Variants in NHEJ1 observed in about 807,000 individuals in gnomAD.
NHEJ1 encodes non-homologous end joining factor 1, also known as non-homologous end-joining factor 1.
NHEJ1 carries 22 observed loss-of-function variants against 39.4 expected under a neutral mutation model. That is an observed-to-expected ratio of 0.56 (90% CI 0.40 to 0.80). NHEJ1 has a LOEUF of 0.80. NHEJ1 is among the 30% of genes least tolerant of loss of function. The pLI is 0.00. For missense variants in NHEJ1, 329 were observed against 357.1 expected (o/e 0.92, Z 0.63); for synonymous variants, 154 against 135.6 (o/e 1.14, Z -0.94).
At chr2:219,112,804 A>T (rs896255023) in intron 5 of NHEJ1, among the ~76,000 whole-genome samples, 1 of 151,998 alleles carries the variant, frequency 6.6e-6, no homozygotes, top group Non-Finnish European at 1.5e-5. Flanking sequence ...CCTCCTTTAC[A>T]CTCATGACTT....
chr2:219,080,654 AAT>A (rs1949057417), intron 5 of NHEJ1, among the ~76,000 whole-genome samples: 4 of 108,976 alleles, frequency 3.7e-5, no homozygotes, highest in African/African-American at 1.8e-4. Flanking sequence ...TATATATGCT[AAT>A]ATATATAAGC....
At chr2:219,101,471 TGGG>T (rs1481754882) in intron 5 of NHEJ1, among the ~76,000 whole-genome samples, 2 of 151,894 alleles carry the variant, frequency 1.3e-5, no homozygotes, top group African/African-American at 4.8e-5. Flanking sequence ...AATGCAGTGG[TGGG>T]ATCATAGCTC....
intron 5 of NHEJ1, among the ~76,000 whole-genome samples, chr2:219,129,036 C>T (rs1410955847): frequency 1.3e-5 from 2 of 152,328 alleles, no homozygotes; most frequent in East Asian, 3.9e-4. Flanking sequence ...CTAACAAAGG[C>T]CATGGTATGC....
intron 5 of NHEJ1, among the ~76,000 whole-genome samples, chr2:219,116,735 A>G (rs1465352450): frequency 6.6e-6 from 1 of 152,234 alleles, no homozygotes; most frequent in Non-Finnish European, 1.5e-5. Context: ...ACAAGCAGAA[A>G]GAAAATGGGG....
In NHEJ1 at chr2:219,071,314, G is replaced by A. The variant is rs1042207496; in HGVS notation, c.*5067C>T. On this transcript the variant is annotated 3_prime_UTR_variant, in exon 8 of 8. Transcript: ENST00000356853. ...TGACTGGCCGTCAATCCTATCAGGGGTCCATAAAGCTAGGAGGACTCTGGC... is the reference window on the plus strand; with the variant it reads ...TGACTGGCCGTCAATCCTATCAGGGATCCATAAAGCTAGGAGGACTCTGGC... 6.6e-6 allele frequency among the ~76,000 whole-genome samples: 1 copy of A among 152,170 alleles called. No homozygotes were observed. Among genetic ancestry groups the A allele is most frequent in the Non-Finnish European group, 1.5e-5 (1 of 68,016 alleles).
intron 5 of NHEJ1, among the ~76,000 whole-genome samples, chr2:219,134,447 C>T (rs1457190272): frequency 6.6e-6 from 1 of 152,168 alleles, no homozygotes. Flanking sequence ...TTGTTAGTTA[C>T]CCTTTCTTGG....
At chr2:219,158,432 C>T (rs1157886287) in intron 1 of NHEJ1, 70 bp from the exon 2 acceptor site, 3 of 1,422,944 alleles carry the variant, frequency 2.1e-6, no homozygotes, top group Non-Finnish European at 3.0e-6. Context: ...CCACCCAAAC[C>T]AGTCTGTATC....
intron 3 of NHEJ1, 24 bp downstream of exon 3, chr2:219,157,448 A>T: frequency 6.2e-7 from 1 of 1,600,942 alleles, no homozygotes; most frequent in Non-Finnish European, 8.6e-7. Flanking sequence ...CCCTCCCCCA[A>T]CCCCACATTC....
intron 5 of NHEJ1, among the ~76,000 whole-genome samples, chr2:219,120,254 C>T (rs1440773225): frequency 6.6e-6 from 1 of 152,044 alleles, no homozygotes; most frequent in Non-Finnish European, 1.5e-5. Context: ...ATGCCAGCCA[C>T]AAACTGGAGG....
At chr2:219,108,322 A>C (rs1321906094) in intron 5 of NHEJ1, among the ~76,000 whole-genome samples, 1 of 152,170 alleles carries the variant, frequency 6.6e-6, no homozygotes, top group Non-Finnish European at 1.5e-5. Context: ...GTTCATCCAG[A>C]GTTGAATCCT....
chr2:219,124,496 G>A (rs1429215821), intron 5 of NHEJ1: 1 of 151,634 alleles, frequency 6.6e-6, no homozygotes, highest in African/African-American at 2.4e-5. Flanking sequence ...ACCACGAGAG[G>A]AGTGCACCCC....
chr2:219,115,460 G>C (rs1238871849), intron 5 of NHEJ1, among the ~76,000 whole-genome samples: 1 of 152,174 alleles, frequency 6.6e-6, no homozygotes, highest in Non-Finnish European at 1.5e-5. Flanking sequence ...CAGAAGAAGA[G>C]AGCCTGGGGG....
Position 219,133,405 on chromosome 2 carries a change from A to G in NHEJ1, c.588+13275T>C, listed in dbSNP as rs146205127. On this transcript the variant is annotated intron_variant, in intron 5 of 7. Coordinates refer to ENST00000356853, the MANE Select transcript of NHEJ1 (RefSeq NM_024782.3). ...CAATGTGAGAGAGTCCTCTCATGAC[A>G]CGACCTTTAAAAAGGCTACAACCAG... 4.1e-3 allele frequency among the ~76,000 whole-genome samples: 621 copies of G among 152,364 alleles called. 2 individuals carry two copies. The highest frequency in any genetic ancestry group is 0.014 in the African/African-American group (576 of 41,592).
chr2:219,153,061 C>T (rs1949813251), intron 3 of NHEJ1, among the ~76,000 whole-genome samples: 1 of 152,096 alleles, frequency 6.6e-6, no homozygotes, highest in African/African-American at 2.4e-5. Flanking sequence ...CCTCGGCCTC[C>T]CAAAGTGTTA....
At chr2:219,079,165 T>A (rs1949040986) in intron 5 of NHEJ1, among the ~76,000 whole-genome samples, 1 of 152,054 alleles carries the variant, frequency 6.6e-6, no homozygotes, top group Non-Finnish European at 1.5e-5. Flanking sequence ...GCGATAAAAA[T>A]GAGATGAAAG....
intron 5 of NHEJ1, among the ~76,000 whole-genome samples, chr2:219,079,865 TC>T (rs940581929): frequency 4.6e-5 from 7 of 152,168 alleles, no homozygotes; most frequent in African/African-American, 1.7e-4. Flanking sequence ...CTCTAGCATC[TC>T]CCTTCATACT....
At chr2:219,078,872 C>A (rs900406453) in intron 5 of NHEJ1, among the ~76,000 whole-genome samples, 2 of 150,784 alleles carry the variant, frequency 1.3e-5, no homozygotes, top group East Asian at 1.9e-4. Flanking sequence ...ATAAAGCGTG[C>A]ACACACACAC....
intron 5 of NHEJ1, among the ~76,000 whole-genome samples, chr2:219,100,681 C>G (rs186134308): frequency 6.6e-6 from 1 of 151,034 alleles, no homozygotes; most frequent in Non-Finnish European, 1.5e-5. Flanking sequence ...TGCTTATACA[C>G]GCTGGAAGAG....
rs1206090225 is a variant in NHEJ1, at chr2:219,106,167, G to C, written c.589-27961C>G. On this transcript the variant is annotated intron_variant, in intron 5 of 7. Transcript: ENST00000356853. ...CCAGGACTAGGAGGCATCATGCCTT[G>C]AAGACAGAGAAATGGTCTTTTTCTC... Among the ~76,000 whole-genome samples the C allele has an allele frequency of 2.0e-5, 3 of 152,184 alleles. No individual in the cohort carries two copies. In the East Asian group the frequency reaches 5.8e-4, roughly 29 times the overall value.
Sources: allele counts gnomAD v4.1 joint callset (sites outside exome capture counted in the v4.1 genomes callset), GRCh38; gene constraint gnomAD v4.1.1; transcripts MANE v1.5; gene names NCBI Gene and HGNC (gene_info 2026-07-23, HGNC 2026-07-21).